Variants in ARHGAP20 observed in about 807,000 individuals in gnomAD.
ARHGAP20 encodes Rho GTPase activating protein 20, also known as rho GTPase-activating protein 20.
ARHGAP20 carries 34 observed loss-of-function variants against 73.7 expected under a neutral mutation model. The ratio of observed to expected loss-of-function variants is 0.46; its 90% CI spans 0.35 to 0.61. The LOEUF is 0.61. Ranked by LOEUF, ARHGAP20 falls within the 20% of genes least tolerant of loss-of-function variation. ARHGAP20 has a pLI of 0.00. For synonymous variants in ARHGAP20, 523 were observed against 518.2 expected (o/e 1.01, Z -0.13); for missense variants, 1,314 against 1,420.9 (o/e 0.92, Z 1.21).
chr11:110,588,018 T>C (rs542183801), intron 11 of ARHGAP20, among the ~76,000 whole-genome samples: 1 of 152,254 alleles, frequency 6.6e-6, no homozygotes, highest in Non-Finnish European at 1.5e-5. Flanking sequence ...ACAATAGCTC[T>C]CTTTTTAAAT....
intron 2 of ARHGAP20, among the ~76,000 whole-genome samples, chr11:110,683,690 T>C (rs1950078557): frequency 6.6e-6 from 1 of 152,144 alleles, no homozygotes; most frequent in South Asian, 2.1e-4. Flanking sequence ...ATATGTACAA[T>C]TATTATGTGC....
chr11:110,708,173 T>C (rs1295175591), intron 1 of ARHGAP20, among the ~76,000 whole-genome samples: 1 of 152,096 alleles, frequency 6.6e-6, no homozygotes. Flanking sequence ...TCACTAATCA[T>C]TGAGGAAATG....
rs1947421638 is a variant in ARHGAP20, at chr11:110,580,411, G to A, written c.2535C>T (p.Cys845=). The A allele has an allele frequency of 6.2e-7, 1 of 1,614,130 alleles. No individual in the cohort carries two copies. Among genetic ancestry groups the A allele is most frequent in the African/African-American group, 1.3e-5 (1 of 74,934 alleles). Residue 845 remains cysteine, a synonymous_variant, in exon 15 of 15, where the codon TGC becomes TGT. Transcript: ENST00000683387. ...TCTGGTCTTCTATGTTGGGCTCTGA[G>A]CAGCGCCGATGTGTCCTTGGACCCT... ...ALKGPRTHRR[C]SEPNIEDQNR...
intron 2 of ARHGAP20, among the ~76,000 whole-genome samples, chr11:110,650,176 C>T (rs1379117605): frequency 6.6e-6 from 1 of 151,818 alleles, no homozygotes; most frequent in Non-Finnish European, 1.5e-5. Flanking sequence ...GCCATGTTTC[C>T]CCAGCTGGAT....
intron 9 of ARHGAP20, among the ~76,000 whole-genome samples, chr11:110,593,188 G>T (rs1383124966): frequency 6.6e-6 from 1 of 151,318 alleles, no homozygotes; most frequent in Admixed American, 6.6e-5. Flanking sequence ...AATTGAGGAG[G>T]GATTTAAGTA....
intron 3 of ARHGAP20, among the ~76,000 whole-genome samples, chr11:110,628,375 C>T (rs950796896): frequency 3.3e-5 from 5 of 152,086 alleles, no homozygotes; most frequent in African/African-American, 1.2e-4. Context: ...GGACTATTTG[C>T]TTTTGATTGT....
At chr11:110,690,983 T>G (rs1014245874) in intron 1 of ARHGAP20, 5 of 1,523,888 alleles carry the variant, frequency 3.3e-6, no homozygotes, top group Non-Finnish European at 3.5e-6. Context: ...TTATTTATTA[T>G]AATCCAAAAT....
intron 1 of ARHGAP20, among the ~76,000 whole-genome samples, chr11:110,704,246 T>A (rs556744916): frequency 6.6e-6 from 1 of 152,298 alleles, no homozygotes; most frequent in African/African-American, 2.4e-5. Flanking sequence ...AACATTCTCC[T>A]AGGTGTAAAT....
intron 6 of ARHGAP20, among the ~76,000 whole-genome samples, chr11:110,611,702 G>T (rs970571350): frequency 6.6e-6 from 1 of 152,136 alleles, no homozygotes; most frequent in African/African-American, 2.4e-5. Flanking sequence ...AAATAGATCA[G>T]TGAGGTTGGT....
At chr11:110,689,057 G>A (rs988063279) in intron 2 of ARHGAP20, among the ~76,000 whole-genome samples, 2 of 149,478 alleles carry the variant, frequency 1.3e-5, no homozygotes, top group Admixed American at 1.3e-4. Flanking sequence ...GGAGTGCAGT[G>A]GCACGATCTC....
chr11:110,702,254 C>A lies in ARHGAP20; in HGVS notation c.105+9873G>T, dbSNP rs556075210. On this transcript the variant is annotated intron_variant, in intron 1 of 14. Transcript: ENST00000683387. ...ATATACGCAAATCAATAAATTTAATCCAGCATATAAACAGAACCAAAGACA... is the reference window on the plus strand; with the variant it reads ...ATATACGCAAATCAATAAATTTAATACAGCATATAAACAGAACCAAAGACA... Among the ~76,000 whole-genome samples, 20 of 152,188 alleles carry A rather than the reference C, an allele frequency of 1.3e-4. 1 individual carries two copies. The South Asian group carries it at 4.1e-3, about 32-fold the overall frequency.
intron 2 of ARHGAP20, among the ~76,000 whole-genome samples, chr11:110,637,570 T>C (rs1164838664): frequency 3.3e-5 from 5 of 152,144 alleles, no homozygotes; most frequent in Admixed American, 2.6e-4. Flanking sequence ...AATTACCATA[T>C]AATAAATTAT....
chr11:110,582,478 A>G, intron 13 of ARHGAP20, 43 bp from the exon 14 acceptor site: 1 of 1,260,344 alleles, frequency 7.9e-7, no homozygotes, highest in Non-Finnish European at 1.2e-6. Flanking sequence ...TTCATATTAC[A>G]TGTTTATAAA....
chr11:110,646,142 A>G (rs903558896), intron 2 of ARHGAP20, among the ~76,000 whole-genome samples: 1 of 152,182 alleles, frequency 6.6e-6, no homozygotes, highest in Non-Finnish European at 1.5e-5. Context: ...AAATCACCTA[A>G]TAACTCCTAT....
intron 7 of ARHGAP20, 35 bp downstream of exon 7, chr11:110,611,274 A>G: frequency 7.4e-7 from 1 of 1,352,278 alleles, no homozygotes; most frequent in Non-Finnish European, 1.0e-6. Context: ...ATCAAAGTTT[A>G]TTTTTAATTA....
At chr11:110,639,804 C>T (rs80147800) in intron 2 of ARHGAP20, among the ~76,000 whole-genome samples, 3,096 of 152,068 alleles carry the variant, frequency 0.02, 86 homozygotes, top group African/African-American at 0.064. Context: ...TTCTGGTGAA[C>T]GGCTATAGCA....
chr11:110,644,997 T>TTCTCTCTCTCTCTC (rs71476091), intron 2 of ARHGAP20, among the ~76,000 whole-genome samples: 15 of 150,412 alleles, frequency 1.0e-4, no homozygotes, highest in African/African-American at 3.7e-4. Flanking sequence ...GAACAGACAC[T>TTCTCTCTCTCTCTC]TCTCTCTCTC....
intron 9 of ARHGAP20, among the ~76,000 whole-genome samples, chr11:110,596,564 A>T (rs904743145): frequency 4.3e-4 from 66 of 152,226 alleles, no homozygotes; most frequent in Non-Finnish European, 8.5e-4. Flanking sequence ...TGCCCATCAG[A>T]GAAATGCAAA....
intron 2 of ARHGAP20, among the ~76,000 whole-genome samples, chr11:110,653,768 C>G (rs1248132675): frequency 6.6e-6 from 1 of 152,164 alleles, no homozygotes; most frequent in South Asian, 2.1e-4. Flanking sequence ...AAGATACATG[C>G]ACACATACTT....
Sources: gnomAD v4.1 joint callset for allele counts (sites outside exome capture counted in the v4.1 genomes callset) on GRCh38, gnomAD v4.1.1 for gene constraint, MANE v1.5 for transcripts, NCBI Gene and HGNC (gene_info 2026-07-23, HGNC 2026-07-21) for gene names.